Variants in LRRC56 observed in about 807,000 individuals in gnomAD.
The protein encoded by LRRC56 is leucine rich repeat containing 56.
LRRC56 carries 41 observed loss-of-function variants against 47.8 expected under a neutral mutation model. That is an observed-to-expected ratio of 0.86 (90% CI 0.67 to 1.11). LRRC56 has a LOEUF of 1.11. Ranked by LOEUF, LRRC56 falls within the 50% of genes most tolerant of loss-of-function variation. The pLI is 0.00. For synonymous variants in LRRC56, 387 were observed against 311.2 expected (o/e 1.24, Z -2.56); for missense variants, 759 against 704.2 (o/e 1.08, Z -0.88).
At chr11:548,451 TTTTGTTTGTTTG>T (rs56130745) in intron 6 of LRRC56, among the ~76,000 whole-genome samples, 3 of 150,726 alleles carry the variant, frequency 2.0e-5, no homozygotes, top group African/African-American at 4.9e-5. Context: ...CAGCCTCAAG[TTTTGTTTGTTTG>T]TTTGTTTGTT....
intron 2 of LRRC56, among the ~76,000 whole-genome samples, 196 bp from the exon 3 acceptor site, chr11:539,384 C>CTTTTCTT (rs1554887031): frequency 6.5e-5 from 6 of 92,454 alleles, no homozygotes; most frequent in Non-Finnish European, 1.0e-4. Flanking sequence ...CGCACCCAGC[C>CTTTTCTT]TTTTTTTTTT....
At chr11:549,858 A>C (rs1196980635) in intron 6 of LRRC56, 44 bp from the exon 7 acceptor site, 1 of 1,560,074 alleles carries the variant, frequency 6.4e-7, no homozygotes, top group South Asian at 1.1e-5. Flanking sequence ...GTGGCTGAGC[A>C]CAGGGCTGGG....
upstream of LRRC56, among the ~76,000 whole-genome samples, chr11:536,004 G>A (rs1564792641): frequency 6.6e-6 from 1 of 152,174 alleles, no homozygotes; most frequent in Non-Finnish European, 1.5e-5. Context: ...CGGGACCAAG[G>A]CGGGATGCTC....
chr11:542,793 C>T (rs1327019813), intron 5 of LRRC56, among the ~76,000 whole-genome samples: 17 of 152,084 alleles, frequency 1.1e-4, no homozygotes, highest in Admixed American at 1.1e-3. Flanking sequence ...AGAGGGAGGA[C>T]ATTCCCTTAA....
At chr11:550,637 C>G (rs745832986) in intron 8 of LRRC56, among the ~76,000 whole-genome samples, 21 of 152,212 alleles carry the variant, frequency 1.4e-4, no homozygotes, top group Non-Finnish European at 3.1e-4. Flanking sequence ...ACAGGCCCCA[C>G]AGACCACCCT....
intron 6 of LRRC56, among the ~76,000 whole-genome samples, chr11:546,585 T>C (rs1488885231): frequency 6.7e-6 from 1 of 148,408 alleles, no homozygotes; most frequent in Non-Finnish European, 1.5e-5. Context: ...AAAAAATACA[T>C]GAAGATCTGG....
the LRRC56 span, among the ~76,000 whole-genome samples, chr11:525,292 C>A: frequency 6.6e-6 from 1 of 151,688 alleles, no homozygotes; most frequent in African/African-American, 2.4e-5. Context: ...GTAATCCCAG[C>A]ACTTTGGGAG....
the LRRC56 span, chr11:529,810 G>A: frequency 6.6e-6 from 1 of 152,320 alleles, no homozygotes; most frequent in South Asian, 2.1e-4. Context: ...CCCTCAAGGG[G>A]AGGAGCTGGC....
At chr11:522,791 A>G in the LRRC56 span, among the ~76,000 whole-genome samples, 1 of 150,608 alleles carries the variant, frequency 6.6e-6, no homozygotes, top group Non-Finnish European at 1.5e-5. Flanking sequence ...CCAAAGCGCA[A>G]AGGTTGGAGT....
At chr11:524,120 T>A in the LRRC56 span, among the ~76,000 whole-genome samples, 6 of 152,020 alleles carry the variant, frequency 3.9e-5, no homozygotes, top group Admixed American at 3.9e-4. Flanking sequence ...TTCTGTAGAT[T>A]TAGACAAACT....
chr11:510,228 C>A, the LRRC56 span, among the ~76,000 whole-genome samples: 1 of 152,210 alleles, frequency 6.6e-6, no homozygotes, highest in Non-Finnish European at 1.5e-5. Context: ...CACCGTGGTG[C>A]TGAAGGCCTA....
Position 548,586 on chromosome 11 carries a change from G to A in LRRC56, c.327-1316G>A, listed in dbSNP as rs56103532. Among the ~76,000 whole-genome samples, 510 of 152,246 alleles carry A rather than the reference G, an allele frequency of 3.3e-3. 5 individuals carry two copies. Among genetic ancestry groups the A allele is most frequent in the Non-Finnish European group, 1.4e-3 (93 of 68,014 alleles). ...GATTCTCCTGCCTCAGCCTCCCAAA[G>A]TGCTGGGACTACAGGCACCCGCCAC... On this transcript the variant is annotated intron_variant, in intron 6 of 13. Coordinates refer to ENST00000270115, the MANE Select transcript of LRRC56 (RefSeq NM_198075.4).
At chr11:530,447 AAGTGTGGCGTCCCCTGGAGAGAAGGGCG>A in the LRRC56 span, among the ~76,000 whole-genome samples, 1,257 of 113,352 alleles carry the variant, frequency 0.011, 35 homozygotes, top group Middle Eastern at 0.035. Context: ...ACAGAAGGGC[AAGTGTGGCGTCCCCTGGAGAGAAGGGCG>A]AGTGTGGCGT....
chr11:544,613 C>A, intron 5 of LRRC56, 107 bp from the exon 6 acceptor site: 1 of 1,168,938 alleles, frequency 8.6e-7, no homozygotes, highest in Non-Finnish European at 1.3e-6. Context: ...TGAGGCTGGC[C>A]CACGAGCAGT....
Position 551,813 on chromosome 11 carries a change from G to C in LRRC56, c.959G>C (p.Ser320Thr). 2 of 1,607,574 alleles carry C rather than the reference G, an allele frequency of 1.2e-6. No homozygotes were observed. The highest frequency in any genetic ancestry group is 2.7e-5 in the African/African-American group (2 of 74,958). ...SEDLAPEDNT[S>T]SLTHGAGQVL... is the part of the protein sequence containing the mutation. ...GACCTGGCCCCAGAAGATAACACCA[G>C]CAGCCTCACCCATGGTAACTGACTT... Residue 320 changes from serine to threonine, a missense_variant, in exon 10 of 14, where the codon AGC becomes ACC. Transcript: ENST00000270115.
chr11:512,227 C>T, the LRRC56 span, among the ~76,000 whole-genome samples: 4 of 151,600 alleles, frequency 2.6e-5, no homozygotes, highest in African/African-American at 9.7e-5. Context: ...TAGGTGTGAG[C>T]CACAAAGCCT....
chr11:550,142 T>C lies in LRRC56; in HGVS notation c.494T>C (p.Leu165Pro), dbSNP rs1852307190. The C allele has an allele frequency of 6.2e-7, 1 of 1,613,546 alleles. No individual in the cohort carries two copies. Among genetic ancestry groups the C allele is most frequent in the Non-Finnish European group, 8.5e-7 (1 of 1,179,918 alleles). The change falls in exon 8 of 14, where the codon CTG (leucine) becomes CCG (proline). Residue 165 changes from leucine (L) to proline (P), a missense_variant. Physicochemically the swap from Leu to Pro is moderately conservative, Grantham distance 98 (BLOSUM62 -3). Transcript: ENST00000270115. ...TGCCTGCTGGAACAATTGGAGGTGC[T>C]GGACCTGGAGGGCAACAGCGTGGAG... is the stretch of plus-strand genomic sequence containing the variant. ...PLCLLEQLEV[L>P]DLEGNSVEDL...
the LRRC56 span, among the ~76,000 whole-genome samples, chr11:526,420 G>A: frequency 1.3e-5 from 2 of 152,056 alleles, no homozygotes; most frequent in African/African-American, 2.4e-5. Flanking sequence ...GAGAAGGCAA[G>A]GGGCCCGGCA....
intron 6 of LRRC56, among the ~76,000 whole-genome samples, chr11:546,144 C>T (rs570789699): frequency 6.6e-6 from 1 of 152,136 alleles, no homozygotes; most frequent in Non-Finnish European, 1.5e-5. Context: ...GTGGCACATG[C>T]CTGTAACCCC....
Sources: gnomAD v4.1 joint callset for allele counts (sites outside exome capture counted in the v4.1 genomes callset) on GRCh38, gnomAD v4.1.1 for gene constraint, MANE v1.5 for transcripts, NCBI Gene and HGNC (gene_info 2026-07-23, HGNC 2026-07-21) for gene names.